Variants in STK33 observed in about 807,000 individuals in gnomAD.
The protein encoded by STK33 is serine/threonine-protein kinase 33.
A neutral mutation model predicts 58.0 loss-of-function variants in STK33; 52 were observed. The observed-to-expected ratio is 0.90, with a 90% CI of 0.72 to 1.13. The LOEUF (loss-of-function observed/expected upper bound fraction) is 1.13. Ranked by LOEUF, STK33 falls within the 50% of genes most tolerant of loss-of-function variation. The pLI, the probability that STK33 is intolerant of heterozygous loss-of-function variation, is 0.00. For missense variants in STK33, 630 were observed against 604.2 expected (o/e 1.04, Z -0.45); for synonymous variants, 215 against 200.1 (o/e 1.07, Z -0.63).
At chr11:8,514,397 G>A (rs1259015327) in intron 1 of STK33, among the ~76,000 whole-genome samples, 2 of 152,072 alleles carry the variant, frequency 1.3e-5, no homozygotes, top group Non-Finnish European at 2.9e-5. Context: ...ACTCTATGGG[G>A]GAAAAAAATC....
chr11:8,469,679 A>G (rs1320087748), intron 6 of STK33, among the ~76,000 whole-genome samples: 2 of 152,236 alleles, frequency 1.3e-5, no homozygotes, highest in East Asian at 3.8e-4. Flanking sequence ...TGGCAGATAT[A>G]ACCTTATGAA....
intron 14 of STK33, among the ~76,000 whole-genome samples, chr11:8,428,352 C>T (rs886654407): frequency 5.3e-5 from 8 of 152,264 alleles, no homozygotes; most frequent in East Asian, 1.9e-4. Context: ...AAGGAAAAAC[C>T]GGGTTGTTTT....
At position 8,417,115 on chromosome 11, in the gene STK33, G is replaced by A. The variant is rs548037402; in HGVS notation, c.1147-3423C>T. Among the ~76,000 whole-genome samples the A allele has an allele frequency of 5.3e-5, 8 of 152,214 alleles. No homozygotes were observed. In the South Asian group the frequency reaches 1.0e-3, roughly 20 times the overall value. On this transcript the variant is annotated intron_variant, in intron 14 of 15. Transcript: ENST00000687296. Reference sequence around the variant, plus strand: ...AGATGTACATGTCACCTCACCATCAGAACACTAACCTCTGAACTCCTTTTA... The same window carrying A: ...AGATGTACATGTCACCTCACCATCAAAACACTAACCTCTGAACTCCTTTTA...
chr11:8,374,393 T>C, the STK33 span, among the ~76,000 whole-genome samples: 1 of 152,216 alleles, frequency 6.6e-6, no homozygotes, highest in Non-Finnish European at 1.5e-5. Context: ...GTGGCTCAAA[T>C]GAGAGAACTT....
chr11:8,387,222 G>A (rs1848556134), downstream of STK33, among the ~76,000 whole-genome samples: 1 of 152,204 alleles, frequency 6.6e-6, no homozygotes, highest in Middle Eastern at 3.2e-3. Flanking sequence ...GCTCCTGCTG[G>A]AGACAGAGGT....
intron 4 of STK33, among the ~76,000 whole-genome samples, chr11:8,476,257 C>A (rs909468696): frequency 6.6e-6 from 1 of 152,134 alleles, no homozygotes; most frequent in Admixed American, 6.5e-5. Flanking sequence ...GCAGGCAAAG[C>A]TGCACTTAAA....
intron 2 of STK33, among the ~76,000 whole-genome samples, chr11:8,478,873 T>A (rs1949534312): frequency 6.6e-6 from 1 of 152,232 alleles, no homozygotes; most frequent in South Asian, 2.1e-4. Context: ...TATTGCTATA[T>A]TTTAAGGAAG....
intron 6 of STK33, 36 bp downstream of exon 6, chr11:8,473,127 G>GA: frequency 7.2e-7 from 1 of 1,379,390 alleles, no homozygotes; most frequent in Non-Finnish European, 1.0e-6. Context: ...GAAGAAACCT[G>GA]AAAGTTCACA....
chr11:8,473,089 A>G (rs1948933876), intron 6 of STK33, 74 bp downstream of exon 6: 22 of 872,980 alleles, frequency 2.5e-5, no homozygotes, highest in Non-Finnish European at 3.4e-5. Context: ...TTATTTTTCA[A>G]TCATTTTTCC....
At position 8,445,222 on chromosome 11, in the gene STK33, T is replaced by C. The variant is rs559603221; in HGVS notation, c.872-4469A>G. On this transcript the variant is annotated intron_variant, in intron 11 of 15. Coordinates refer to ENST00000687296, the MANE Select transcript of STK33 (RefSeq NM_001352389.2). ...TAGGAATGCTTGTGATTTTTGCACA[T>C]TGATTTTGTATCCTGAGACTTTGCT... 1.8e-4 allele frequency among the ~76,000 whole-genome samples: 27 copies of C among 152,348 alleles called. 1 individual carries two copies. The highest frequency in any genetic ancestry group is 3.4e-3 in the Middle Eastern group (1 of 294).
intron 14 of STK33, among the ~76,000 whole-genome samples, chr11:8,417,384 C>T (rs113643393): frequency 9.2e-5 from 14 of 152,090 alleles, no homozygotes; most frequent in African/African-American, 3.4e-4. Context: ...GAATTTAATC[C>T]CTTAGTAGAC....
At chr11:8,341,250 TGCTTGG>T in the STK33 span, among the ~76,000 whole-genome samples, 3 of 152,176 alleles carry the variant, frequency 2.0e-5, no homozygotes, top group East Asian at 5.8e-4. Context: ...GGGGTGGCAG[TGCTTGG>T]GCCCCTTGTA....
At chr11:8,396,784 G>T (rs1849423330) in intron 15 of STK33, among the ~76,000 whole-genome samples, 1 of 152,224 alleles carries the variant, frequency 6.6e-6, no homozygotes, top group Non-Finnish European at 1.5e-5. Flanking sequence ...CTTTTCCAAT[G>T]GTCTTAGCAA....
chr11:8,385,212 A>T, the STK33 span, among the ~76,000 whole-genome samples: 2 of 152,188 alleles, frequency 1.3e-5, no homozygotes, highest in Non-Finnish European at 2.9e-5. Flanking sequence ...TCCTCTAACT[A>T]ATCTCCCTGG....
chr11:8,461,709 G>A (rs563953119), intron 8 of STK33, 96 bp downstream of exon 8: 61 of 919,106 alleles, frequency 6.6e-5, no homozygotes, highest in African/African-American at 1.0e-4. Flanking sequence ...CCAAGGACAT[G>A]AGCAACTGTG....
chr11:8,454,302 TG>T (rs1946603307), intron 10 of STK33, among the ~76,000 whole-genome samples: 1 of 152,184 alleles, frequency 6.6e-6, no homozygotes. Flanking sequence ...AATAAACACT[TG>T]GCACATTAAT....
At chr11:8,479,406 C>G (rs1035428928) in intron 2 of STK33, among the ~76,000 whole-genome samples, 8 of 149,514 alleles carry the variant, frequency 5.4e-5, no homozygotes, top group African/African-American at 2.0e-4. Flanking sequence ...GCACTCCAGC[C>G]TGGCAACAGA....
intron 1 of STK33, among the ~76,000 whole-genome samples, chr11:8,520,844 A>C (rs1280408560): frequency 6.6e-6 from 1 of 152,156 alleles, no homozygotes; most frequent in Non-Finnish European, 1.5e-5. Context: ...GAAATAAAAG[A>C]GATCACAAAC....
At chr11:8,508,939 G>A (rs1055964755) in intron 1 of STK33, among the ~76,000 whole-genome samples, 2 of 151,722 alleles carry the variant, frequency 1.3e-5, no homozygotes, top group African/African-American at 4.8e-5. Context: ...CAACATAGAG[G>A]AACCCCGTCT....
Sources: gnomAD v4.1 joint callset for allele counts (sites outside exome capture counted in the v4.1 genomes callset) on GRCh38, gnomAD v4.1.1 for gene constraint, MANE v1.5 for transcripts, NCBI Gene and HGNC (gene_info 2026-07-23, HGNC 2026-07-21) for gene names.